The following TSHZ3 variants were observed in gnomAD, a reference collection of about 807,000 sequenced individuals.
TSHZ3 encodes teashirt homolog 3.
TSHZ3 carries 10 observed loss-of-function variants against 64.5 expected under a neutral mutation model. The observed-to-expected ratio is 0.16, with a 90% CI of 0.10 to 0.26. The LOEUF (loss-of-function observed/expected upper bound fraction) is 0.26, where lower values mean the gene tolerates loss of function less well. TSHZ3 is among the 10% of genes least tolerant of loss of function. The pLI, the probability that TSHZ3 is intolerant of heterozygous loss-of-function variation, is 1.00. For synonymous variants in TSHZ3, 608 were observed against 593.1 expected (o/e 1.03, Z -0.36); for missense variants, 1,242 against 1,421.7 (o/e 0.87, Z 2.03).
At chr19:31,195,285 T>G (rs1380520678) in intron 5 of TSHZ3, among the ~76,000 whole-genome samples, 1 of 152,052 alleles carries the variant, frequency 6.6e-6, no homozygotes, top group African/African-American at 2.4e-5. Flanking sequence ...AAATTACACC[T>G]AGGCATATAA....
chr19:31,220,910 C>G (rs778121837), intron 4 of TSHZ3, among the ~76,000 whole-genome samples: 3 of 152,196 alleles, frequency 2.0e-5, no homozygotes, highest in African/African-American at 4.8e-5. Flanking sequence ...TGCACCACTT[C>G]CTTTTGAAGC....
At chr19:31,222,467 T>C (rs545711867) in intron 4 of TSHZ3, among the ~76,000 whole-genome samples, 125 of 152,290 alleles carry the variant, frequency 8.2e-4, no homozygotes, top group Non-Finnish European at 1.6e-3. Context: ...TGGAAAAACT[T>C]TCAAAGGCTC....
intron 3 of TSHZ3, among the ~76,000 whole-genome samples, chr19:31,232,242 T>C (rs1167501482): frequency 2.0e-5 from 3 of 152,004 alleles, no homozygotes; most frequent in African/African-American, 7.3e-5. Context: ...AAATCGCCAG[T>C]CCAGAGAATC....
In TSHZ3 at chr19:31,279,119, G is replaced by C. The variant is rs370078054; in HGVS notation, c.674C>G (p.Thr225Ser). The change falls in exon 2 of 2, where the codon ACC becomes AGC. Residue 225 changes from threonine to serine, a missense_variant. Physicochemically the swap from Thr to Ser is moderately conservative, Grantham distance 58. Transcript: ENST00000240587. The surrounding 1 kb of genome is among the most constrained non-coding windows in gnomAD (Gnocchi z 6.4). ...RCKDCSAAYD[T>S]LVELTVHMNE... ...CATGTGCACCGTCAACTCCACCAGG[G>C]TGTCGTAGGCAGCGCTGCAGTCCTT... is the stretch of plus-strand genomic sequence containing the variant. 38 of 1,613,854 alleles carry C rather than the reference G, an allele frequency of 2.4e-5. No homozygotes were observed. In the South Asian group the frequency reaches 2.9e-4, roughly 12 times the overall value.
intron 1 of TSHZ3, among the ~76,000 whole-genome samples, chr19:31,259,096 C>T (rs1428085485): frequency 1.3e-5 from 2 of 152,054 alleles, no homozygotes; most frequent in African/African-American, 2.4e-5. Flanking sequence ...TTTTAATAAG[C>T]GAAAATGATG....
intron 1 of TSHZ3, among the ~76,000 whole-genome samples, chr19:31,260,256 C>A (rs142435919): frequency 1.3e-5 from 2 of 152,174 alleles, no homozygotes; most frequent in South Asian, 2.1e-4. Context: ...CCTGCCCAGT[C>A]CCCCCGCCCA....
intron 5 of TSHZ3, among the ~76,000 whole-genome samples, chr19:31,197,325 T>C (rs1306686877): frequency 6.6e-6 from 1 of 151,862 alleles, no homozygotes; most frequent in Admixed American, 6.6e-5. Flanking sequence ...CAGGGGAATT[T>C]ATATCATTAA....
At chr19:31,252,624 C>T (rs990748198) in intron 1 of TSHZ3, among the ~76,000 whole-genome samples, 6 of 152,202 alleles carry the variant, frequency 3.9e-5, no homozygotes, top group Admixed American at 1.3e-4. Context: ...GCTTGCAGCT[C>T]TCTCTCCTGC....
At chr19:31,179,029 A>ATGATGAT (rs60284390) in intron 5 of TSHZ3, among the ~76,000 whole-genome samples, 88,436 of 151,176 alleles carry the variant, frequency 0.58, 25,909 homozygotes, top group Middle Eastern at 0.65. Context: ...GATGATGATG[A>ATGATGAT]TGATGATGAT....
At chr19:31,294,786 T>C (rs1192951749) in intron 1 of TSHZ3, among the ~76,000 whole-genome samples, 1 of 152,080 alleles carries the variant, frequency 6.6e-6, no homozygotes, top group East Asian at 1.9e-4. Flanking sequence ...GGGTGTTTCT[T>C]ATGCTAGATC....
intron 5 of TSHZ3, among the ~76,000 whole-genome samples, chr19:31,179,913 A>T (rs1974684712): frequency 6.6e-6 from 1 of 152,038 alleles, no homozygotes; most frequent in Non-Finnish European, 1.5e-5. Flanking sequence ...TCAGCGTTCT[A>T]AGGGCTCTCA....
At chr19:31,343,442 A>T (rs1917492954) in intron 1 of TSHZ3, among the ~76,000 whole-genome samples, 1 of 152,160 alleles carries the variant, frequency 6.6e-6, no homozygotes, top group African/African-American at 2.4e-5. Context: ...AAACCCAAGA[A>T]TCTAAATGCT....
chr19:31,300,234 C>G (rs530267735), intron 1 of TSHZ3, among the ~76,000 whole-genome samples: 1 of 152,168 alleles, frequency 6.6e-6, no homozygotes, highest in Non-Finnish European at 1.5e-5. Flanking sequence ...TACTCTAACC[C>G]TTGTCACTGG....
At chr19:31,239,109 C>A (rs140055016) in intron 3 of TSHZ3, among the ~76,000 whole-genome samples, 1,859 of 152,160 alleles carry the variant, frequency 0.012, 11 homozygotes, top group Non-Finnish European at 0.018. Context: ...TATACCTCTT[C>A]ACATTTCACA....
exon 5 of TSHZ3, chr19:31,204,969 G>A (rs1235155313): frequency 6.6e-6 from 1 of 152,264 alleles, no homozygotes; most frequent in Non-Finnish European, 1.5e-5. Context: ...TGAAAAGGTG[G>A]ATCACGGGGA....
At chr19:31,340,671 A>G (rs1917406992) in intron 1 of TSHZ3, among the ~76,000 whole-genome samples, 1 of 152,132 alleles carries the variant, frequency 6.6e-6, no homozygotes, top group Non-Finnish European at 1.5e-5. Context: ...CAGACCTTTT[A>G]TCATCATCAC....
At chr19:31,312,220 G>A (rs897987540) in intron 1 of TSHZ3, among the ~76,000 whole-genome samples, 8 of 152,200 alleles carry the variant, frequency 5.3e-5, no homozygotes, top group East Asian at 1.9e-4. Context: ...TCCCTCCCAC[G>A]GCTGGAAACT....
At chr19:31,217,963 G>T (rs1975354585) in intron 4 of TSHZ3, among the ~76,000 whole-genome samples, 1 of 152,180 alleles carries the variant, frequency 6.6e-6, no homozygotes, top group African/African-American at 2.4e-5. Context: ...TAACATAGGA[G>T]AAAATCTAGA....
chr19:31,204,052 C>T (rs1975126715), intron 5 of TSHZ3, among the ~76,000 whole-genome samples: 2 of 152,084 alleles, frequency 1.3e-5, no homozygotes, highest in African/African-American at 4.8e-5. Context: ...AGGGGAAATG[C>T]CAGATGCTCA....
Sources: gnomAD v4.1 joint callset for allele counts (sites outside exome capture counted in the v4.1 genomes callset) on GRCh38, gnomAD v4.1.1 for gene constraint, Gnocchi (gnomAD v3.1) non-coding constraint, MANE v1.5 for transcripts, NCBI Gene and HGNC (gene_info 2026-07-23, HGNC 2026-07-21) for gene names.